PDE4B: variants seen among roughly 807,000 people sequenced by gnomAD.
The protein encoded by PDE4B is 3',5'-cyclic-AMP phosphodiesterase 4B.
A neutral mutation model predicts 82.2 loss-of-function variants in PDE4B; 20 were observed. That is an observed-to-expected ratio of 0.24 (90% CI 0.17 to 0.35). The LOEUF (loss-of-function observed/expected upper bound fraction) is 0.35. Among genes scored for constraint, PDE4B ranks in the 10% least tolerant of loss-of-function variants. The probability of loss-of-function intolerance (pLI) is 1.00; values close to 1 mark genes in which losing one functional copy is unlikely to be tolerated. For missense variants in PDE4B, 655 were observed against 907.2 expected, an observed-to-expected ratio of 0.72 and a Z score of 3.57; for synonymous variants, 320 against 318.9, an observed-to-expected ratio of 1.00 and a Z score of -0.04.
chr1:65,815,510 T>C (rs539649988), intron 1 of PDE4B, among the ~76,000 whole-genome samples: 38 of 152,178 alleles, frequency 2.5e-4, no homozygotes, highest in African/African-American at 8.7e-4. Context: ...GCTGGAATGG[T>C]AAAAGGACCT....
chr1:65,934,667 T>G (rs1439653091), intron 3 of PDE4B, among the ~76,000 whole-genome samples: 2 of 152,158 alleles, frequency 1.3e-5, no homozygotes, highest in Admixed American at 1.3e-4. Context: ...AAGACACAGA[T>G]AGTGAAGGGA....
chr1:66,307,736 A>G lies in PDE4B; in HGVS notation c.635-24772A>G, dbSNP rs77971932. 3.5e-3 allele frequency among the ~76,000 whole-genome samples: 528 copies of G among 152,276 alleles called. 2 individuals carry two copies. Among genetic ancestry groups the G allele is most frequent in the African/African-American group, 0.012 (499 of 41,560 alleles). On this transcript the variant is annotated intron_variant, in intron 7 of 16. Transcript: ENST00000341517. The stretch of plus-strand genomic sequence containing the variant: ...GGAAGCAGAAGAGAAAATATGAACA[A>G]TGGGAGATTTCCAGGAATTTTCAGG...
chr1:66,182,693 A>G (rs561979963), intron 3 of PDE4B, among the ~76,000 whole-genome samples: 77 of 152,150 alleles, frequency 5.1e-4, no homozygotes, highest in African/African-American at 1.3e-3. Context: ...CGCTGCTCCA[A>G]TTTTTCTGCC....
chr1:66,371,093 ACTATATATATAT>A (rs1249613092), intron 16 of PDE4B, among the ~76,000 whole-genome samples: 8 of 48,944 alleles, frequency 1.6e-4, no homozygotes, highest in African/African-American at 5.3e-4. Context: ...CACACATCAT[ACTATATATATAT>A]ATATATATAT....
chr1:66,100,321 G>T (rs56136910), intron 3 of PDE4B, among the ~76,000 whole-genome samples: 53,961 of 151,840 alleles, frequency 0.36, 9,672 homozygotes, highest in Middle Eastern at 0.43. Flanking sequence ...CTAAAGTGCT[G>T]GGATTACAGG....
chr1:65,941,782 T>C (rs540892686), intron 3 of PDE4B, among the ~76,000 whole-genome samples: 244 of 152,172 alleles, frequency 1.6e-3, no homozygotes, highest in African/African-American at 5.5e-3. Flanking sequence ...CTCTTAGCAG[T>C]TTGCAAAAAT....
At chr1:66,197,774 G>T (rs1388888638) in intron 3 of PDE4B, among the ~76,000 whole-genome samples, 1 of 151,984 alleles carries the variant, frequency 6.6e-6, no homozygotes, top group African/African-American at 2.4e-5. Context: ...ACAAAATTTA[G>T]AATACCTAAT....
chr1:66,112,274 G>A (rs1443311593), intron 3 of PDE4B, among the ~76,000 whole-genome samples: 4 of 151,858 alleles, frequency 2.6e-5, no homozygotes, highest in Non-Finnish European at 5.9e-5. Context: ...TTCTTGTATT[G>A]CTTGCTTTTG....
intron 3 of PDE4B, among the ~76,000 whole-genome samples, chr1:66,153,059 T>C (rs1424871413): frequency 6.6e-6 from 1 of 152,174 alleles, no homozygotes; most frequent in Non-Finnish European, 1.5e-5. Flanking sequence ...GCCAAGTTGA[T>C]ACATAGAACT....
intron 3 of PDE4B, among the ~76,000 whole-genome samples, chr1:65,974,887 C>A (rs1167635109): frequency 6.6e-6 from 1 of 152,124 alleles, no homozygotes; most frequent in Non-Finnish European, 1.5e-5. Context: ...TCATAAATTA[C>A]CCAGTCTCAA....
chr1:66,326,094 C>G lies in PDE4B; in HGVS notation c.635-6414C>G, dbSNP rs904087689. Reference sequence around the variant, plus strand: ...ACCAACATTTGTCGTTGTTTTTTAGCTATGTGAGATTTACTCAAACTCTGT... The same window carrying G: ...ACCAACATTTGTCGTTGTTTTTTAGGTATGTGAGATTTACTCAAACTCTGT... On this transcript the variant is annotated intron_variant, in intron 7 of 16. Transcript: ENST00000341517. Among the ~76,000 whole-genome samples the G allele has an allele frequency of 5.3e-5, 8 of 152,236 alleles. 2 individuals are homozygous for G. The highest frequency in any genetic ancestry group is 6.5e-5 in the Admixed American group (1 of 15,282).
chr1:65,996,971 C>T (rs777098535), intron 3 of PDE4B, among the ~76,000 whole-genome samples: 1 of 152,170 alleles, frequency 6.6e-6, no homozygotes, highest in Non-Finnish European at 1.5e-5. Context: ...GCCTGTATGG[C>T]CTGCCTGTGC....
At chr1:66,126,776 ATATTTT>A in intron 3 of PDE4B, among the ~76,000 whole-genome samples, 1 of 152,354 alleles carries the variant, frequency 6.6e-6, no homozygotes, top group Non-Finnish European at 1.5e-5. Context: ...TTATTTCAAG[ATATTTT>A]TAATTACAAA....
chr1:66,186,048 A>C (rs1009458538), intron 3 of PDE4B, among the ~76,000 whole-genome samples: 3 of 152,148 alleles, frequency 2.0e-5, no homozygotes, highest in East Asian at 1.9e-4. Context: ...TCAGCTTTCT[A>C]CATATGGCTA....
At chr1:66,283,850 T>C (rs1228544325) in intron 7 of PDE4B, among the ~76,000 whole-genome samples, 2 of 152,062 alleles carry the variant, frequency 1.3e-5, no homozygotes, top group Non-Finnish European at 2.9e-5. Flanking sequence ...TTTTAATGGG[T>C]TTTCTGTGTC....
At chr1:66,045,641 A>G (rs867384629) in intron 3 of PDE4B, among the ~76,000 whole-genome samples, 2 of 151,744 alleles carry the variant, frequency 1.3e-5, no homozygotes, top group Middle Eastern at 3.2e-3. Context: ...ACGCATGCTC[A>G]TCCCCCAAGA....
chr1:66,170,245 A>AC (rs2101331125), intron 3 of PDE4B, among the ~76,000 whole-genome samples: 1 of 152,330 alleles, frequency 6.6e-6, no homozygotes, highest in Admixed American at 6.5e-5. Flanking sequence ...TGAAGCTGGG[A>AC]GATGGTGTTA....
chr1:66,199,074 T>TG (rs1332765251), intron 3 of PDE4B, among the ~76,000 whole-genome samples: 1 of 151,804 alleles, frequency 6.6e-6, no homozygotes, highest in Non-Finnish European at 1.5e-5. Context: ...TAAACATACG[T>TG]GTGCATGTGT....
intron 3 of PDE4B, among the ~76,000 whole-genome samples, chr1:66,085,198 C>A (rs72920258): frequency 6.6e-6 from 1 of 152,120 alleles, no homozygotes; most frequent in Admixed American, 6.6e-5. Context: ...CAGGCAGCTG[C>A]GGGTTTAACA....
Sources: allele counts gnomAD v4.1 joint callset (sites outside exome capture counted in the v4.1 genomes callset), GRCh38; gene constraint gnomAD v4.1.1; transcripts MANE v1.5; gene names NCBI Gene and HGNC (gene_info 2026-07-23, HGNC 2026-07-21).